TBC1D12: variants seen among roughly 807,000 people sequenced by gnomAD.
TBC1D12 encodes the protein TBC1 domain family, member 12.
TBC1D12 carries 56 observed loss-of-function variants against 86.7 expected under a neutral mutation model. The observed-to-expected ratio is 0.65, with a 90% CI of 0.52 to 0.81. The LOEUF is 0.81. Ranked by LOEUF, TBC1D12 falls within the 30% of genes least tolerant of loss-of-function variation. TBC1D12 has a pLI of 0.00. For missense variants in TBC1D12, 1,023 were observed against 1,038.8 expected (o/e 0.98, Z 0.21); for synonymous variants, 421 against 411.7 (o/e 1.02, Z -0.27).
intron 5 of TBC1D12, among the ~76,000 whole-genome samples, chr10:94,499,030 C>G (rs1455463106): frequency 6.6e-6 from 1 of 152,148 alleles, no homozygotes; most frequent in Non-Finnish European, 1.5e-5. Context: ...CTTGGCCTCT[C>G]AAAGTGCTAG....
chr10:94,479,806 C>T (rs561745593), intron 3 of TBC1D12, among the ~76,000 whole-genome samples: 20 of 152,272 alleles, frequency 1.3e-4, no homozygotes, highest in African/African-American at 4.8e-4. Context: ...CATTCAGCTA[C>T]ACATAAGAGA....
intron 4 of TBC1D12, among the ~76,000 whole-genome samples, chr10:94,496,699 T>G (rs1019166461): frequency 6.6e-6 from 1 of 152,200 alleles, no homozygotes; most frequent in Non-Finnish European, 1.5e-5. Flanking sequence ...GAGATGTTAT[T>G]TTAAAATTAT....
chr10:94,500,440 C>G (rs191356223), intron 6 of TBC1D12, 113 bp downstream of exon 6: 35 of 723,146 alleles, frequency 4.8e-5, no homozygotes. Context: ...TATATAATGT[C>G]ATTTTAAAAG....
At chr10:94,496,089 C>T (rs1383117100) in intron 4 of TBC1D12, among the ~76,000 whole-genome samples, 2 of 151,590 alleles carry the variant, frequency 1.3e-5, no homozygotes, top group African/African-American at 4.9e-5. Flanking sequence ...GGCAACAGAG[C>T]GAGACTCTGT....
chr10:94,446,074 C>T (rs1163375211), intron 2 of TBC1D12, among the ~76,000 whole-genome samples: 2 of 152,150 alleles, frequency 1.3e-5, no homozygotes, highest in Non-Finnish European at 2.9e-5. Flanking sequence ...CTCTTCCCTG[C>T]AATTCTCATT....
In TBC1D12 at chr10:94,468,880, G is replaced by T. The variant is rs117075751; in HGVS notation, c.1096-5788G>T. Reference sequence around the variant, plus strand: ...CTTTGCTTAATTTTGGATAGTTTCTGTTGCTCTGTTCTCAAGTTGATTGAT... The same window carrying T: ...CTTTGCTTAATTTTGGATAGTTTCTTTTGCTCTGTTCTCAAGTTGATTGAT... On this transcript the variant is annotated intron_variant, in intron 2 of 12. Coordinates refer to ENST00000225235, the MANE Select transcript of TBC1D12 (RefSeq NM_015188.2). Among the ~76,000 whole-genome samples, 1,308 of 151,922 alleles carry T rather than the reference G, an allele frequency of 8.6e-3. 13 individuals carry two copies. Among genetic ancestry groups the T allele is most frequent in the Non-Finnish European group, 0.013 (914 of 67,926 alleles).
intron 2 of TBC1D12, among the ~76,000 whole-genome samples, chr10:94,472,646 A>G (rs193168879): frequency 2.6e-5 from 4 of 152,356 alleles, no homozygotes; most frequent in Admixed American, 2.6e-4. Flanking sequence ...GAAAAACATG[A>G]GCAGAAAAGG....
At chr10:94,449,942 C>T (rs540720704) in intron 2 of TBC1D12, among the ~76,000 whole-genome samples, 19 of 152,252 alleles carry the variant, frequency 1.2e-4, no homozygotes, top group East Asian at 1.2e-3. Context: ...AAATCGCTTT[C>T]GCTACAAAAC....
intron 1 of TBC1D12, among the ~76,000 whole-genome samples, chr10:94,408,664 A>G (rs1011410723): frequency 1.3e-5 from 2 of 152,228 alleles, no homozygotes; most frequent in Non-Finnish European, 2.9e-5. Flanking sequence ...CTGAGCCATC[A>G]TAAACATCTC....
At position 94,532,345 on chromosome 10, in the gene TBC1D12, T is replaced by G. The variant is rs1030971388; in HGVS notation, c.2260-683T>G. ...GGCACATGCCACCACGCCCAGCTAA[T>G]TTTTTGTATTTTTAGTAGAGACGGG... is the stretch of plus-strand genomic sequence containing the variant. On this transcript the variant is annotated intron_variant, in intron 12 of 12. Coordinates refer to ENST00000225235, the MANE Select transcript of TBC1D12 (RefSeq NM_015188.2). Among the ~76,000 whole-genome samples, 7 of 144,336 alleles carry G rather than the reference T, an allele frequency of 4.8e-5. No homozygotes were observed. In the East Asian group the frequency reaches 1.4e-3, roughly 28 times the overall value. 94.7% of individuals were successfully genotyped at this position (144,336 alleles called of 152,430 possible).
At chr10:94,435,918 T>C (rs2055288288) in intron 1 of TBC1D12, among the ~76,000 whole-genome samples, 1 of 152,210 alleles carries the variant, frequency 6.6e-6, no homozygotes, top group Non-Finnish European at 1.5e-5. Flanking sequence ...TACTATTTAT[T>C]ACACAATCTT....
chr10:94,506,996 G>A (rs1213208216), intron 6 of TBC1D12, among the ~76,000 whole-genome samples: 1 of 152,070 alleles, frequency 6.6e-6, no homozygotes, highest in Admixed American at 6.6e-5. Context: ...TTTTTCTGCT[G>A]TTCCACAATG....
At position 94,528,073 on chromosome 10, in the gene TBC1D12, T is replaced by C. The variant is rs1842341116; in HGVS notation, c.2001-3129T>C. On this transcript the variant is annotated intron_variant, in intron 11 of 12. Coordinates refer to ENST00000225235, the MANE Select transcript of TBC1D12 (RefSeq NM_015188.2). ...TTTTGTTGTTTGAAGTCTTTTGAGG[T>C]TTTATATAAATTTTAGGATGGTTTT... 2.0e-5 allele frequency among the ~76,000 whole-genome samples: 3 copies of C among 152,062 alleles called. No homozygotes were observed. The South Asian group carries it at 6.2e-4, about 32-fold the overall frequency.
chr10:94,465,910 A>G (rs1328537062), intron 2 of TBC1D12, among the ~76,000 whole-genome samples: 3 of 150,914 alleles, frequency 2.0e-5, no homozygotes, highest in Non-Finnish European at 4.4e-5. Context: ...GCATATATAC[A>G]TATATACGTA....
At position 94,497,989 on chromosome 10, in the gene TBC1D12, AT is replaced by A. The variant is rs2056346858; in HGVS notation, c.1412+823del. On this transcript the variant is annotated intron_variant, in intron 5 of 12. Transcript: ENST00000225235. ...AGGCACTCGCCACCATGCCCTGCTA[AT>A]TTTTTGTATTTTTAGTAGAGACGGG... Among the ~76,000 whole-genome samples, 4 of 151,374 alleles carry A rather than the reference AT, an allele frequency of 2.6e-5. No individual in the cohort carries two copies. The South Asian group carries it at 8.4e-4, about 32-fold the overall frequency.
intron 2 of TBC1D12, among the ~76,000 whole-genome samples, chr10:94,449,540 C>CT (rs1389080139): frequency 6.6e-6 from 1 of 152,174 alleles, no homozygotes; most frequent in African/African-American, 2.4e-5. Flanking sequence ...GTAAGAGACT[C>CT]TATCTTGGGC....
intron 12 of TBC1D12, among the ~76,000 whole-genome samples, chr10:94,531,772 A>ATGTTATTTTATTTTATGTTATTTTATTT (rs1842431491): frequency 3.1e-5 from 4 of 129,520 alleles, no homozygotes; most frequent in Admixed American, 1.5e-4. Context: ...ATTTTATTTT[A>ATGTTATTTTATTTTATGTTATTTTATTT]TGTTATTTTA....
chr10:94,476,139 A>T (rs1049698730), intron 3 of TBC1D12, among the ~76,000 whole-genome samples: 4 of 150,960 alleles, frequency 2.6e-5, no homozygotes, highest in East Asian at 1.9e-4. Flanking sequence ...TTTTTTTTTT[A>T]AATGTAAAAC....
At chr10:94,509,754 ATC>A (rs1466412781) in intron 7 of TBC1D12, 6 of 229,768 alleles carry the variant, frequency 2.6e-5, no homozygotes, top group Admixed American at 6.3e-5. Context: ...AATCCTATTG[ATC>A]TCTCTGTGTC....
Sources: gnomAD v4.1 joint callset for allele counts (sites outside exome capture counted in the v4.1 genomes callset) on GRCh38, gnomAD v4.1.1 for gene constraint, MANE v1.5 for transcripts, NCBI Gene and HGNC (gene_info 2026-07-23, HGNC 2026-07-21) for gene names.